Variants in TES observed in about 807,000 individuals in gnomAD.
TES encodes the protein testin LIM domain protein.
A neutral mutation model predicts 48.2 loss-of-function variants in TES; 41 were observed. The ratio of observed to expected loss-of-function variants is 0.85; its 90% CI spans 0.66 to 1.10. TES has a LOEUF of 1.10. TES is among the 50% of genes least tolerant of loss of function. TES has a pLI of 0.00. For synonymous variants in TES, 162 were observed against 174.9 expected, an observed-to-expected ratio of 0.93 and a Z score of 0.58; for missense variants, 463 against 515.1, an observed-to-expected ratio of 0.90 and a Z score of 0.98.
Position 116,234,952 on chromosome 7 carries a change from A to C in TES, c.113+333A>C, listed in dbSNP as rs187952385. Among the ~76,000 whole-genome samples, 1,187 of 149,274 alleles carry C rather than the reference A, an allele frequency of 8.0e-3. 9 individuals carry two copies. Among genetic ancestry groups the C allele is most frequent in the Non-Finnish European group, 0.013 (852 of 66,874 alleles). Reference sequence around the variant, plus strand: ...AGGACTGTTTAATAATTTATTTGTTACTTTTTTTTTGAGACGAAGTCTCAT... The same window carrying C: ...AGGACTGTTTAATAATTTATTTGTTCCTTTTTTTTTGAGACGAAGTCTCAT... On this transcript the variant is annotated intron_variant, in intron 2 of 6. Coordinates refer to ENST00000358204, the MANE Select transcript of TES (RefSeq NM_015641.4).
chr7:116,216,665 A>G (rs887373482), intron 1 of TES, among the ~76,000 whole-genome samples: 1 of 152,156 alleles, frequency 6.6e-6, no homozygotes, highest in African/African-American at 2.4e-5. Context: ...GAACCTATAG[A>G]TTGAACCAAA....
At chr7:116,244,054 C>G (rs954867343) in intron 2 of TES, 3 of 152,204 alleles carry the variant, frequency 2.0e-5, no homozygotes, top group African/African-American at 7.2e-5. Flanking sequence ...CCCACCATGT[C>G]CCTCCCACAA....
intron 2 of TES, 106 bp from the exon 3 acceptor site, chr7:116,248,914 C>A: frequency 2.5e-6 from 3 of 1,191,628 alleles, no homozygotes; most frequent in East Asian, 2.6e-5. Context: ...CCTTTGCATA[C>A]CATGATATAG....
intron 2 of TES, among the ~76,000 whole-genome samples, chr7:116,239,785 A>C (rs1799820851): frequency 6.6e-6 from 1 of 152,228 alleles, no homozygotes; most frequent in African/African-American, 2.4e-5. Flanking sequence ...CCCAATAAGA[A>C]ACACTATCTG....
rs1799531507 is a variant in TES at position 116,219,503 on chromosome 7, T to C, written c.27+8769T>C. 4.6e-5 allele frequency among the ~76,000 whole-genome samples: 7 copies of C among 152,172 alleles called. No homozygotes were observed. The South Asian group carries it at 1.4e-3, about 31-fold the overall frequency. On this transcript the variant is annotated intron_variant, in intron 1 of 6. Coordinates refer to ENST00000358204, the MANE Select transcript of TES (RefSeq NM_015641.4). ...CTGGTCTGGACTCTGAGCTGTGGAC[T>C]GGGACCACAATGTTGCCAGGTTTTC...
intron 1 of TES, among the ~76,000 whole-genome samples, chr7:116,212,931 T>G (rs980873627): frequency 3.3e-5 from 5 of 152,222 alleles, no homozygotes; most frequent in African/African-American, 1.2e-4. Flanking sequence ...AAATCCCTGT[T>G]TCACTACGTT....
intron 1 of TES, among the ~76,000 whole-genome samples, chr7:116,224,421 T>C (rs1324234192): frequency 2.0e-5 from 3 of 152,246 alleles, no homozygotes; most frequent in Non-Finnish European, 4.4e-5. Flanking sequence ...TACTGCATAA[T>C]GTATGTAATC....
At chr7:116,248,872 G>T in intron 2 of TES, 148 bp from the exon 3 acceptor site, 1 of 711,012 alleles carries the variant, frequency 1.4e-6, no homozygotes, top group Non-Finnish European at 2.1e-6. Flanking sequence ...TAAATATATG[G>T]ATACTTATTC....
chr7:116,233,038 G>A (rs1268217669), intron 1 of TES, among the ~76,000 whole-genome samples: 2 of 152,228 alleles, frequency 1.3e-5, no homozygotes, highest in African/African-American at 4.8e-5. Flanking sequence ...CAAGGAACCA[G>A]TTACAATGTG....
chr7:116,257,685 G>A lies in TES; in HGVS notation c.*203G>A, dbSNP rs1800122845. The A allele has an allele frequency of 4.5e-6, 2 of 445,234 alleles. No homozygotes were observed. Among genetic ancestry groups the A allele is most frequent in the Non-Finnish European group, 7.9e-6 (2 of 252,982 alleles). 27.6% of individuals were successfully genotyped at this position (445,234 alleles called of 1,614,324 possible). A position where few individuals can be genotyped will look rare whatever the true frequency, so the allele number is the denominator to read the frequency against. On this transcript the variant is annotated 3_prime_UTR_variant, in exon 7 of 7. Transcript: ENST00000358204. ...TAAACTTGGTTTAAGCATTTGATTT[G>A]TAAAACAGTAAATAATTGTATCTTT...
At chr7:116,215,762 T>G (rs1388457271) in intron 1 of TES, among the ~76,000 whole-genome samples, 1 of 152,160 alleles carries the variant, frequency 6.6e-6, no homozygotes, top group East Asian at 1.9e-4. Flanking sequence ...TGTTGAGCTC[T>G]GCAGTTGAGA....
intron 1 of TES, among the ~76,000 whole-genome samples, chr7:116,215,335 A>AT (rs565138383): frequency 4.7e-4 from 71 of 152,096 alleles, no homozygotes; most frequent in Non-Finnish European, 9.0e-4. Flanking sequence ...ACTTTCACTC[A>AT]TTTTTTAAAG....
intron 1 of TES, among the ~76,000 whole-genome samples, chr7:116,217,528 A>G (rs1224857820): frequency 6.6e-6 from 1 of 152,138 alleles, no homozygotes; most frequent in Admixed American, 6.6e-5. Flanking sequence ...AATCATTAAT[A>G]TACAGGAAAT....
intron 6 of TES, 98 bp downstream of exon 6, chr7:116,252,574 T>C: frequency 6.4e-7 from 1 of 1,572,868 alleles, no homozygotes; most frequent in South Asian, 1.1e-5. Flanking sequence ...CAGAAAGCAG[T>C]CCTCCTAAGT....
chr7:116,254,948 T>C (rs1487059087), intron 6 of TES, among the ~76,000 whole-genome samples: 1 of 152,062 alleles, frequency 6.6e-6, no homozygotes, highest in Non-Finnish European at 1.5e-5. Flanking sequence ...ATATAAAATT[T>C]GGAGAAGGTT....
In TES at chr7:116,210,589, T is replaced by C; in HGVS notation, c.-119T>C. 2 of 1,122,426 alleles carry C rather than the reference T, an allele frequency of 1.8e-6. No homozygotes were observed. The highest frequency in any genetic ancestry group is 2.7e-4 in the Middle Eastern group (1 of 3,702). 69.5% of individuals were successfully genotyped at this position (1,122,426 alleles called of 1,614,324 possible). ...TTCGACGGCGCCGGGCGAGTGGCTG[T>C]TGAGCGGCGCCGCGGGAGTTCCGCA... On this transcript the variant is annotated 5_prime_UTR_variant, in exon 1 of 7. Transcript: ENST00000358204.
At chr7:116,227,700 CAT>C (rs1799641161) in intron 1 of TES, among the ~76,000 whole-genome samples, 1 of 152,142 alleles carries the variant, frequency 6.6e-6, no homozygotes, top group African/African-American at 2.4e-5. Context: ...TATATACATG[CAT>C]ATGTGTGTGT....
In TES at chr7:116,258,216, TCTC is replaced by T. The variant is rs1800134087; in HGVS notation, c.*737_*739del. On this transcript the variant is annotated 3_prime_UTR_variant, in exon 7 of 7. Coordinates refer to ENST00000358204, the MANE Select transcript of TES (RefSeq NM_015641.4). ...TTTTTTTTTTTTTATTTTGAGCAAT[TCTC>T]CTGCCTCAGCCTCCCAAATAGCTGG... The T allele has an allele frequency of 6.6e-6, 1 of 152,018 alleles. No homozygotes were observed. The highest frequency in any genetic ancestry group is 1.5e-5 in the Non-Finnish European group (1 of 68,012). The allele number at this position is 152,018 out of a possible 1,614,324, so 9.4% of individuals were successfully genotyped here. A position where few individuals can be genotyped will look rare whatever the true frequency, so the allele number is the denominator to read the frequency against.
At chr7:116,221,096 C>T (rs1799550978) in intron 1 of TES, among the ~76,000 whole-genome samples, 1 of 152,072 alleles carries the variant, frequency 6.6e-6, no homozygotes, top group South Asian at 2.1e-4. Context: ...AGTTCGATAA[C>T]TGGGGGATAT....
Sources: gnomAD v4.1 joint callset for allele counts (sites outside exome capture counted in the v4.1 genomes callset) on GRCh38, gnomAD v4.1.1 for gene constraint, MANE v1.5 for transcripts, NCBI Gene and HGNC (gene_info 2026-07-23, HGNC 2026-07-21) for gene names.